The following COA8 variants were observed in gnomAD, a reference collection of about 807,000 sequenced individuals.
COA8 encodes UPF0671 protein C14orf153.
Under a neutral mutation model 22.0 loss-of-function variants are expected in COA8, and 20 were observed. The observed-to-expected ratio is 0.91, with a 90% confidence interval of 0.64 to 1.32. The LOEUF (loss-of-function observed/expected upper bound fraction) is 1.32, where lower values mean the gene tolerates loss of function less well. Among genes scored for constraint, COA8 ranks in the 40% most tolerant of loss-of-function variants. COA8 has a pLI of 0.00. For synonymous variants in COA8, 105 were observed against 79.9 expected, an observed-to-expected ratio of 1.31 and a Z score of -1.68; for missense variants, 266 against 230.0, an observed-to-expected ratio of 1.16 and a Z score of -1.01.
At chr14:103,590,114 C>A in intron 4 of COA8, 67 bp from the exon 5 acceptor site, 1 of 1,396,220 alleles carries the variant, frequency 7.2e-7, no homozygotes. Context: ...GGAGCCACTT[C>A]TGGGCCAGGG....
In COA8 at chr14:103,590,495, G is replaced by A. The variant is rs937235252; in HGVS notation, c.*209G>A. On this transcript the variant is annotated 3_prime_UTR_variant, in exon 5 of 5. Coordinates refer to ENST00000409074, the MANE Select transcript of COA8 (RefSeq NM_001370595.2). ...GGGCTCTAGGCCAGCTTGTTGTCAC[G>A]TACGTGGTGTGAAATAAAGCCCAAG... is the stretch of plus-strand genomic sequence containing the variant. The A allele has an allele frequency of 9.8e-6, 5 of 508,390 alleles. No homozygotes were observed. The highest frequency in any genetic ancestry group is 1.7e-5 in the Non-Finnish European group (5 of 286,462). 31.5% of individuals were successfully genotyped at this position (508,390 alleles called of 1,614,324 possible). A position where few individuals can be genotyped will look rare whatever the true frequency, so the allele number is the denominator to read the frequency against.
At chr14:103,575,441 C>A (rs151035609) in intron 3 of COA8, among the ~76,000 whole-genome samples, 2,193 of 152,318 alleles carry the variant, frequency 0.014, 53 homozygotes, top group African/African-American at 0.05. Context: ...GCTGCCTGCT[C>A]TGGCAGCTGT....
At position 103,581,923 on chromosome 14, in the gene COA8, T is replaced by C. The variant is rs1405108031; in HGVS notation, c.386-5351T>C. 6.6e-6 allele frequency among the ~76,000 whole-genome samples: 1 copy of C among 152,160 alleles called. No individual in the cohort carries two copies. Among genetic ancestry groups the C allele is most frequent in the African/African-American group, 2.4e-5 (1 of 41,440 alleles). On this transcript the variant is annotated intron_variant, in intron 3 of 4. Transcript: ENST00000409074. This position sits in a 1 kb window ranked among gnomAD's most constrained non-coding sequence, Gnocchi z 4.1. ...GGGTTGCCAGACACCCTCCCTGCTC[T>C]GTGGAGGGAGGGTGGAATCATGCCT...
At chr14:103,586,873 T>C (rs1048634073) in intron 3 of COA8, among the ~76,000 whole-genome samples, 1 of 151,790 alleles carries the variant, frequency 6.6e-6, no homozygotes, top group African/African-American at 2.4e-5. Flanking sequence ...CTGGCTAATA[T>C]TTGTATTTTT....
At chr14:103,585,276 C>CGAGACCAGCCTGA (rs1566985592) in intron 3 of COA8, among the ~76,000 whole-genome samples, 1 of 151,836 alleles carries the variant, frequency 6.6e-6, no homozygotes, top group African/African-American at 2.4e-5. Flanking sequence ...GTTGGGAGTT[C>CGAGACCAGCCTGA]GAGACCAGCC....
At chr14:103,573,433 A>T (rs2076203877) in intron 2 of COA8, among the ~76,000 whole-genome samples, 2 of 151,904 alleles carry the variant, frequency 1.3e-5, no homozygotes, top group Admixed American at 1.3e-4. Context: ...GGCCTCCCAA[A>T]GTGCTGGGAT....
At position 103,587,198 on chromosome 14, in the gene COA8, CATTT is replaced by C. The variant is rs1453481822; in HGVS notation, c.386-72_386-69del. Reference sequence around the variant, plus strand: ...ATATATCCTGCAAGCTTGCTGAACTCATTTATTAGCTCTAATAGTTTTTTGTTTA... The same window carrying C: ...ATATATCCTGCAAGCTTGCTGAACTCATTAGCTCTAATAGTTTTTTGTTTA... On this transcript the variant is annotated intron_variant, in intron 3 of 4. Coordinates refer to ENST00000409074, the MANE Select transcript of COA8 (RefSeq NM_001370595.2). The C allele has an allele frequency of 5.4e-5, 64 of 1,187,480 alleles. 1 individual carries two copies. The South Asian group carries it at 6.9e-4, about 13-fold the overall frequency. 73.6% of individuals were successfully genotyped at this position (1,187,480 alleles called of 1,614,324 possible).
At chr14:103,578,565 A>G (rs2076245414) in intron 3 of COA8, among the ~76,000 whole-genome samples, 1 of 152,208 alleles carries the variant, frequency 6.6e-6, no homozygotes. Flanking sequence ...CAGTCTCCTA[A>G]GTATTTATGA....
intron 1 of COA8, among the ~76,000 whole-genome samples, chr14:103,566,176 C>G (rs1246286372): frequency 6.6e-6 from 1 of 151,984 alleles, no homozygotes; most frequent in Non-Finnish European, 1.5e-5. Flanking sequence ...CTTGCCAGCA[C>G]TTTGGGAGAC....
chr14:103,570,793 T>C (rs565052461), intron 1 of COA8, among the ~76,000 whole-genome samples: 6 of 152,274 alleles, frequency 3.9e-5, no homozygotes, highest in African/African-American at 1.4e-4. Flanking sequence ...GAGTTATTAC[T>C]CAAATCAGTC....
At chr14:103,582,487 T>A (rs2076275442) in intron 3 of COA8, among the ~76,000 whole-genome samples, 1 of 152,024 alleles carries the variant, frequency 6.6e-6, no homozygotes, top group Non-Finnish European at 1.5e-5. Context: ...GGGGCTGGAG[T>A]AGTCAGGCCG....
Position 103,590,328 on chromosome 14 carries a change from A to G in COA8, c.*42A>G. On this transcript the variant is annotated 3_prime_UTR_variant, in exon 5 of 5. Coordinates refer to ENST00000409074, the MANE Select transcript of COA8 (RefSeq NM_001370595.2). ...AGCCAGAGTCCAGGTTTCCACAGGA[A>G]GCAGATGGAGCTCCTTTCACAGGGG... The G allele has an allele frequency of 6.6e-7, 1 of 1,522,824 alleles. No individual in the cohort carries two copies. Among genetic ancestry groups the G allele is most frequent in the Non-Finnish European group, 9.1e-7 (1 of 1,104,368 alleles). 94.3% of individuals were successfully genotyped at this position (1,522,824 alleles called of 1,614,324 possible).
At chr14:103,587,638 G>A (rs2076319058) in intron 4 of COA8, among the ~76,000 whole-genome samples, 1 of 151,100 alleles carries the variant, frequency 6.6e-6, no homozygotes, top group Non-Finnish European at 1.5e-5. Flanking sequence ...CTCCCGAGTA[G>A]CTGGGACTAC....
At chr14:103,568,601 G>A (rs991470825) in intron 1 of COA8, among the ~76,000 whole-genome samples, 13 of 123,810 alleles carry the variant, frequency 1.1e-4, no homozygotes, top group South Asian at 5.4e-4. Context: ...ATATGTATAC[G>A]TATATATATA....
intron 3 of COA8, among the ~76,000 whole-genome samples, chr14:103,577,895 A>G (rs752549257): frequency 6.6e-6 from 1 of 151,946 alleles, no homozygotes; most frequent in East Asian, 1.9e-4. Flanking sequence ...GTGGTGATGC[A>G]TGCCTGTAAT....
chr14:103,570,137 G>A (rs1461163627), intron 1 of COA8, among the ~76,000 whole-genome samples: 5 of 152,088 alleles, frequency 3.3e-5, no homozygotes, highest in Non-Finnish European at 5.9e-5. Context: ...GATTACAGGC[G>A]TGAGCCACCG....
At chr14:103,586,632 C>T (rs907176766) in intron 3 of COA8, among the ~76,000 whole-genome samples, 3 of 105,032 alleles carry the variant, frequency 2.9e-5, no homozygotes, top group African/African-American at 3.8e-5. Flanking sequence ...TGAGCTATCA[C>T]GCCTGGCCTT....
chr14:103,589,613 C>CA lies in COA8; in HGVS notation c.477-560dup, dbSNP rs199846322. ...AACTAAGCAAGATGAAAAAACAAAA[C>CA]AAAAAAAACTCCAAAGGAGGGGCCG... On this transcript the variant is annotated intron_variant, in intron 4 of 4. Coordinates refer to ENST00000409074, the MANE Select transcript of COA8 (RefSeq NM_001370595.2). Among the ~76,000 whole-genome samples the CA allele has an allele frequency of 8.1e-3, 1,222 of 151,206 alleles. 13 individuals are homozygous for CA. The highest frequency in any genetic ancestry group is 0.041 in the East Asian group (212 of 5,154).
In COA8 at chr14:103,590,708, A is replaced by AAATTAGCT. The variant is rs754111110; in HGVS notation, c.*423_*430dup. On this transcript the variant is annotated 3_prime_UTR_variant, in exon 5 of 5. Coordinates refer to ENST00000409074, the MANE Select transcript of COA8 (RefSeq NM_001370595.2). ...CATGGCAAAACCCTGTCTCTACAAA[A>AAATTAGCT]AATTAGCTGGGTGTGGTGGCACGCA... 447 of 156,178 alleles carry AAATTAGCT rather than the reference A, an allele frequency of 2.9e-3. 1 individual carries two copies. The highest frequency in any genetic ancestry group is 5.4e-3 in the Non-Finnish European group (381 of 70,516). 9.7% of individuals were successfully genotyped at this position (156,178 alleles called of 1,614,324 possible).
Sources: allele counts gnomAD v4.1 joint callset (sites outside exome capture counted in the v4.1 genomes callset), GRCh38; gene constraint gnomAD v4.1.1; non-coding constraint Gnocchi (gnomAD v3.1); transcripts MANE v1.5; gene names NCBI Gene and HGNC (gene_info 2026-07-23, HGNC 2026-07-21).